The following STK36 variants were observed in gnomAD, a reference collection of about 807,000 sequenced individuals.
The protein encoded by STK36 is serine/threonine-protein kinase 36.
In STK36, 116 loss-of-function variants were observed where a neutral mutation model predicts 142.2. That is an observed-to-expected ratio of 0.82 (90% CI 0.70 to 0.95). STK36 has a LOEUF of 0.95. Ranked by LOEUF, STK36 falls within the 40% of genes least tolerant of loss-of-function variation. STK36 has a pLI of 0.00. For synonymous variants in STK36, 619 were observed against 641.7 expected (o/e 0.96, Z 0.53); for missense variants, 1,422 against 1,617.2 (o/e 0.88, Z 2.07).
chr2:218,696,669 G>A, intron 22 of STK36, 68 bp downstream of exon 22: 1 of 1,530,404 alleles, frequency 6.5e-7, no homozygotes, highest in African/African-American at 1.4e-5. Context: ...GGAGCCTCTG[G>A]ACCAGAGGAA....
At chr2:218,674,724 C>T (rs1053403647) in intron 4 of STK36, among the ~76,000 whole-genome samples, 2 of 152,176 alleles carry the variant, frequency 1.3e-5, no homozygotes, top group Admixed American at 6.5e-5. Flanking sequence ...GCCTCAGCCT[C>T]CCCAGTAACC....
Position 218,672,087 on chromosome 2 carries a change from G to A in STK36, c.-218G>A. 7.4e-7 allele frequency: 1 copy of A among 1,346,550 alleles called. No homozygotes were observed. Among genetic ancestry groups the A allele is most frequent in the Non-Finnish European group, 1.0e-6 (1 of 954,520 alleles). The allele number at this position is 1,346,550 out of a possible 1,614,324, so 83.4% of individuals were successfully genotyped here. On this transcript the variant is annotated 5_prime_UTR_variant, in exon 1 of 27. Coordinates refer to ENST00000295709, the MANE Select transcript of STK36 (RefSeq NM_015690.5). ...GGCAACCGCAGACTCCGGGTCCTTA[G>A]CCGGGCCTGATGGCCCTGAGGCAGT...
chr2:218,700,267 A>G (rs960204286), intron 26 of STK36, among the ~76,000 whole-genome samples: 1 of 152,000 alleles, frequency 6.6e-6, no homozygotes, highest in Non-Finnish European at 1.5e-5. Flanking sequence ...ACAGTGGCGC[A>G]ATCTCAGCTC....
chr2:218,698,149 T>A, intron 25 of STK36, 148 bp downstream of exon 25: 1 of 1,118,214 alleles, frequency 8.9e-7, no homozygotes, highest in Non-Finnish European at 1.3e-6. Context: ...GAGACAGTAC[T>A]CAGACCTGCG....
At chr2:218,695,516 C>G (rs1167214255) in intron 21 of STK36, among the ~76,000 whole-genome samples, 3 of 144,472 alleles carry the variant, frequency 2.1e-5, no homozygotes, top group African/African-American at 5.3e-5. Flanking sequence ...GTGTGAGCCA[C>G]CATGTCCAGT....
intron 11 of STK36, among the ~76,000 whole-genome samples, chr2:218,685,887 A>G (rs1940752826): frequency 1.3e-5 from 2 of 152,122 alleles, no homozygotes; most frequent in African/African-American, 2.4e-5. Flanking sequence ...ACTGTTAACC[A>G]TAGTTCAGTT....
chr2:218,681,451 T>A (rs890546601), intron 10 of STK36, among the ~76,000 whole-genome samples: 1 of 152,198 alleles, frequency 6.6e-6, no homozygotes, highest in Non-Finnish European at 1.5e-5. Flanking sequence ...AATATGTTTT[T>A]TTTGAGTTTT....
intron 11 of STK36, among the ~76,000 whole-genome samples, chr2:218,685,696 TAA>T (rs1225005928): frequency 6.6e-6 from 1 of 152,200 alleles, no homozygotes; most frequent in Non-Finnish European, 1.5e-5. Context: ...AAAGTTAGTG[TAA>T]AGTTAGTGTT....
Position 218,675,357 on chromosome 2 carries a change from T to G in STK36, c.318T>G (p.Ala106=). The G allele has an allele frequency of 6.2e-7, 1 of 1,613,410 alleles. No homozygotes were observed. ...KLPEDQVQAI[A]AQLVSALYYL... ...TTAATTTCTAGGTTCAGGCCATTGC[T>G]GCCCAGTTGGTGTCAGCCCTGTACT... Residue 106 remains alanine (A), a synonymous_variant, in exon 5 of 27, where the codon GCT becomes GCG. Transcript: ENST00000295709.
intron 14 of STK36, among the ~76,000 whole-genome samples, chr2:218,691,480 G>A (rs1940995457): frequency 6.6e-6 from 1 of 152,048 alleles, no homozygotes; most frequent in South Asian, 2.1e-4. Flanking sequence ...TGGGGAGTTT[G>A]GAATAATTAC....
Position 218,694,504 on chromosome 2 carries a change from C to A in STK36, c.2401-21C>A. ...CCATTTAGATTTGGACATTCTTTCT[C>A]CTCTTTTACCTCTCCCACAGAGTGC... is the stretch of plus-strand genomic sequence containing the variant. On this transcript the variant is annotated intron_variant, in intron 20 of 26. Transcript: ENST00000295709. This position sits in a 1 kb window ranked among gnomAD's most constrained non-coding sequence, Gnocchi z 4.4. 1.2e-6 allele frequency: 2 copies of A among 1,610,022 alleles called. No homozygotes were observed. The highest frequency in any genetic ancestry group is 1.7e-6 in the Non-Finnish European group (2 of 1,176,312).
rs868846322 is a variant in STK36, at chr2:218,690,544, G to C, written c.1753G>C (p.Asp585His). The C allele has an allele frequency of 4.3e-6, 7 of 1,613,750 alleles. No homozygotes were observed. In the Middle Eastern group the frequency reaches 9.9e-4, roughly 228 times the overall value. ...PDDSEQTLRR[D>H]SLMCFTVLCE... is the part of the protein sequence containing the mutation. ...TGACTCTGAGCAGACTTTGCGGAGG[G>C]ACAGCCTTATGGTAATCTGCTCCCA... Residue 585 changes from aspartate (D) to histidine (H), a missense_variant, in exon 14 of 27, where the codon GAC (aspartate) becomes CAC (histidine). Coordinates refer to ENST00000295709, the MANE Select transcript of STK36 (RefSeq NM_015690.5).
At chr2:218,674,238 A>T (rs1298084928) in intron 4 of STK36, among the ~76,000 whole-genome samples, 2 of 152,214 alleles carry the variant, frequency 1.3e-5, no homozygotes, top group African/African-American at 4.8e-5. Context: ...TAAAATGGAG[A>T]TAATAATCAT....
intron 26 of STK36, among the ~76,000 whole-genome samples, chr2:218,700,377 A>AT (rs1235647126): frequency 1.3e-5 from 2 of 151,626 alleles, no homozygotes; most frequent in Admixed American, 6.6e-5. Flanking sequence ...TAATCTTTGT[A>AT]TTTTTATTAT....
Position 218,694,696 on chromosome 2 carries a change from T to TTCAGTCTTTTCCCCTTGAATG in STK36, c.2511+61_2511+62insTCAGTCTTTTCCCCTTGAATG. On this transcript the variant is annotated intron_variant, in intron 21 of 26. Coordinates refer to ENST00000295709, the MANE Select transcript of STK36 (RefSeq NM_015690.5). The surrounding 1 kb of genome is among the most constrained non-coding windows in gnomAD (Gnocchi z 4.4). Reference sequence around the variant, plus strand: ...TCTGAGTCAGACACTAGGACTGCATTCAAGGGGAAAAGACTGAAATGCCAG... The same window carrying TTCAGTCTTTTCCCCTTGAATG: ...TCTGAGTCAGACACTAGGACTGCATTTCAGTCTTTTCCCCTTGAATGCAAGGGGAAAAGACTGAAATGCCAG... 1 of 1,427,578 alleles carries TTCAGTCTTTTCCCCTTGAATG rather than the reference T, an allele frequency of 7.0e-7. No homozygotes were observed. Among genetic ancestry groups the TTCAGTCTTTTCCCCTTGAATG allele is most frequent in the Non-Finnish European group, 9.9e-7 (1 of 1,015,046 alleles). The allele number at this position is 1,427,578 out of a possible 1,614,324, so 88.4% of individuals were successfully genotyped here. A position where few individuals can be genotyped will look rare whatever the true frequency, so the allele number is the denominator to read the frequency against.
At chr2:218,695,088 C>A (rs761980919) in intron 21 of STK36, among the ~76,000 whole-genome samples, 1 of 152,142 alleles carries the variant, frequency 6.6e-6, no homozygotes, top group Non-Finnish European at 1.5e-5. Flanking sequence ...GGAACTCAGT[C>A]CATTATGTAG....
At chr2:218,679,299 A>G (rs1171871729) in intron 7 of STK36, 38 bp downstream of exon 7, 1 of 1,584,554 alleles carries the variant, frequency 6.3e-7, no homozygotes, top group African/African-American at 1.3e-5. Flanking sequence ...TGGACTTCCC[A>G]GTACTTCCTC....
chr2:218,697,645 C>T, intron 24 of STK36, 35 bp downstream of exon 24: 1 of 1,611,346 alleles, frequency 6.2e-7, no homozygotes, highest in East Asian at 2.2e-5. Flanking sequence ...ACAGAGTCAG[C>T]AACGGGGAGG....
At position 218,678,456 on chromosome 2, in the gene STK36, G is replaced by T. The variant is rs1940356178; in HGVS notation, c.685-712G>T. 4.6e-5 allele frequency among the ~76,000 whole-genome samples: 7 copies of T among 152,146 alleles called. No homozygotes were observed. In the South Asian group the frequency reaches 1.5e-3, roughly 32 times the overall value. ...TCTTAAGTGGAAGCGGTGCACATAG[G>T]ATATTCATTCTCCCTATGGGCAGAT... On this transcript the variant is annotated intron_variant, in intron 6 of 26. Coordinates refer to ENST00000295709, the MANE Select transcript of STK36 (RefSeq NM_015690.5).
Sources: allele counts gnomAD v4.1 joint callset (sites outside exome capture counted in the v4.1 genomes callset), GRCh38; gene constraint gnomAD v4.1.1; non-coding constraint Gnocchi (gnomAD v3.1); transcripts MANE v1.5; gene names NCBI Gene and HGNC (gene_info 2026-07-23, HGNC 2026-07-21).